LCA5L: variants seen among roughly 807,000 people sequenced by gnomAD.
The protein encoded by LCA5L is lebercilin LCA5 like, also known as lebercilin-like protein.
Under a neutral mutation model 45.4 loss-of-function variants are expected in LCA5L, and 35 were observed. The ratio of observed to expected loss-of-function variants is 0.77; its 90% confidence interval spans 0.59 to 1.02. The LOEUF (loss-of-function observed/expected upper bound fraction) is 1.02. LCA5L is among the 50% of genes least tolerant of loss of function. The probability of loss-of-function intolerance (pLI) is 0.00; values close to 1 mark genes in which losing one functional copy is unlikely to be tolerated. For synonymous variants in LCA5L, 233 were observed against 264.7 expected, an observed-to-expected ratio of 0.88 and a Z score of 1.16; for missense variants, 668 against 761.6, an observed-to-expected ratio of 0.88 and a Z score of 1.45.
At chr21:39,433,990 T>G (rs1601937759) in intron 3 of LCA5L, among the ~76,000 whole-genome samples, 2 of 143,236 alleles carry the variant, frequency 1.4e-5, no homozygotes, top group Admixed American at 7.6e-5. Context: ...CTTGGCAGGG[T>G]AGGTAAATTT....
At chr21:39,438,790 T>C (rs1178966259) in intron 2 of LCA5L, 1 of 152,224 alleles carries the variant, frequency 6.6e-6, no homozygotes, top group Non-Finnish European at 1.5e-5. Flanking sequence ...TGAATACTGA[T>C]AATGCATATT....
intron 7 of LCA5L, among the ~76,000 whole-genome samples, chr21:39,419,287 G>A (rs974822786): frequency 6.6e-6 from 1 of 152,116 alleles, no homozygotes; most frequent in African/African-American, 2.4e-5. Context: ...CACTTTGGAA[G>A]GCCAAGGCAG....
intron 2 of LCA5L, among the ~76,000 whole-genome samples, chr21:39,441,236 C>T (rs376480892): frequency 7.2e-4 from 109 of 152,182 alleles, no homozygotes; most frequent in African/African-American, 2.3e-3. Context: ...AAGTCAAGGC[C>T]GCAGTGATGC....
Position 39,410,380 on chromosome 21 carries a change from T to C in LCA5L, c.1061-13A>G. On this transcript the variant is annotated splice_polypyrimidine_tract_variant and intron_variant, in intron 8 of 10. Transcript: ENST00000288350. ...TTTGTTGAAGAAACTATGGAACAGGTAGATTATATGTAAGAAACATATTTT... is the reference window on the plus strand; with the variant it reads ...TTTGTTGAAGAAACTATGGAACAGGCAGATTATATGTAAGAAACATATTTT... 1 of 1,388,586 alleles carries C rather than the reference T, an allele frequency of 7.2e-7. No homozygotes were observed. 86.0% of individuals were successfully genotyped at this position (1,388,586 alleles called of 1,614,324 possible).
chr21:39,405,835 T>A lies in LCA5L; in HGVS notation c.*47A>T, dbSNP rs1410342632. The A allele has an allele frequency of 1.5e-6, 2 of 1,368,312 alleles. No individual in the cohort carries two copies. Among genetic ancestry groups the A allele is most frequent in the Non-Finnish European group, 2.0e-6 (2 of 1,018,576 alleles). 84.8% of individuals were successfully genotyped at this position (1,368,312 alleles called of 1,614,324 possible). On this transcript the variant is annotated 3_prime_UTR_variant, in exon 11 of 11. Transcript: ENST00000288350. Reference sequence around the variant, plus strand: ...TTTCAAAAATAAGATGCAAGGCACATAAGCAGCATTATATCAAACCAGAAT... The same window carrying A: ...TTTCAAAAATAAGATGCAAGGCACAAAAGCAGCATTATATCAAACCAGAAT...
intron 5 of LCA5L, chr21:39,426,075 ATTC>A (rs2074647856): frequency 6.6e-6 from 1 of 152,188 alleles, no homozygotes; most frequent in Non-Finnish European, 1.5e-5. Context: ...CTCCCCCAGT[ATTC>A]TTCTTTGTGT....
intron 8 of LCA5L, chr21:39,410,699 G>A: frequency 2.6e-6 from 1 of 387,524 alleles, no homozygotes; most frequent in Non-Finnish European, 5.1e-6. Flanking sequence ...GAGCTATCCT[G>A]TGGCGGAGCT....
rs1339227174 is a variant in LCA5L at position 39,445,755 on chromosome 21, A to G, written c.-343T>C. ...CCGCGCTGTTCCCACGACTGCGCCA[A>G]CGCCGCAGCGCCGGCGCGTCCCCAT... is the stretch of plus-strand genomic sequence containing the variant. On this transcript the variant is annotated 5_prime_UTR_variant, in exon 1 of 11. Coordinates refer to ENST00000288350, the MANE Select transcript of LCA5L (RefSeq NM_152505.4). 6.6e-6 allele frequency: 1 copy of G among 152,034 alleles called. No homozygotes were observed. The highest frequency in any genetic ancestry group is 2.4e-5 in the African/African-American group (1 of 41,424). 9.4% of individuals were successfully genotyped at this position (152,034 alleles called of 1,614,324 possible).
chr21:39,407,472 AC>A (rs2039277193), intron 10 of LCA5L, among the ~76,000 whole-genome samples: 7 of 152,230 alleles, frequency 4.6e-5, no homozygotes, highest in Admixed American at 3.3e-4. Context: ...GAACGAACCT[AC>A]AAAAAATAGA....
intron 2 of LCA5L, among the ~76,000 whole-genome samples, chr21:39,439,191 G>C (rs1320221707): frequency 1.3e-5 from 2 of 152,150 alleles, no homozygotes; most frequent in African/African-American, 4.8e-5. Context: ...AAGACACGAC[G>C]CTGCTGGCTT....
chr21:39,406,012 C>G lies in LCA5L; in HGVS notation c.1883G>C (p.Ser628Thr), dbSNP rs1487152595. Residue 628 changes from serine to threonine, a missense_variant, in exon 11 of 11, where the codon AGT (serine) becomes ACT (threonine). Transcript: ENST00000288350. ...GGGAGGCAGGGGATGCGACTCCTTACTTTGCAAAGGCTCCTCTGAGCCTTT... is the reference window on the plus strand; with the variant it reads ...GGGAGGCAGGGGATGCGACTCCTTAGTTTGCAAAGGCTCCTCTGAGCCTTT... ...VAKGSEEPLQ[S>T]KESHPLPPSQ... 4 of 1,614,120 alleles carry G rather than the reference C, an allele frequency of 2.5e-6. No homozygotes were observed. Among genetic ancestry groups the G allele is most frequent in the Non-Finnish European group, 3.4e-6 (4 of 1,180,054 alleles).
chr21:39,423,130 A>C lies in LCA5L; in HGVS notation c.683T>G (p.Leu228Arg). ...QEKERTLSRK[L>R]RETDSQLLKT... The stretch of plus-strand genomic sequence containing the variant: ...CAGTAACTGGCTGTCAGTTTCTCTA[A>C]GTTTCCTAGATAGAGTTCTTTCCTT... Residue 228 changes from leucine to arginine, a missense_variant, in exon 6 of 11, where the codon CTT becomes CGT. Transcript: ENST00000288350. 6.2e-7 allele frequency: 1 copy of C among 1,613,884 alleles called. No individual in the cohort carries two copies. Among genetic ancestry groups the C allele is most frequent in the Non-Finnish European group, 8.5e-7 (1 of 1,179,968 alleles).
chr21:39,428,519 T>A lies in LCA5L; in HGVS notation c.-10-16A>T. The A allele has an allele frequency of 7.4e-7, 1 of 1,345,050 alleles. No homozygotes were observed. Among genetic ancestry groups the A allele is most frequent in the Non-Finnish European group, 9.9e-7 (1 of 1,014,126 alleles). 83.3% of individuals were successfully genotyped at this position (1,345,050 alleles called of 1,614,324 possible). ...AGCAAACAACCTAATAAAAGAAAAG[T>A]AAAACCTAATAAAAGTATTTTTGAA... is the stretch of plus-strand genomic sequence containing the variant. On this transcript the variant is annotated splice_polypyrimidine_tract_variant and intron_variant, in intron 4 of 10. Transcript: ENST00000288350.
chr21:39,420,831 G>T lies in LCA5L; in HGVS notation c.850C>A (p.Gln284Lys). ...NDKKIQSLEK[Q>K]LRLNCRAFSR... ...AAGGCTCTGCAGTTCAACCTCAGTTGTTTTTCCAAGCTCTGAAAACAGTAT... is the reference window on the plus strand; with the variant it reads ...AAGGCTCTGCAGTTCAACCTCAGTTTTTTTTCCAAGCTCTGAAAACAGTAT... Residue 284 changes from glutamine (Q) to lysine (K), a missense_variant, in exon 7 of 11, where the codon CAA (glutamine) becomes AAA (lysine). Transcript: ENST00000288350. 1 of 1,612,646 alleles carries T rather than the reference G, an allele frequency of 6.2e-7. No individual in the cohort carries two copies. The highest frequency in any genetic ancestry group is 8.5e-7 in the Non-Finnish European group (1 of 1,178,926).
In LCA5L at chr21:39,423,141, T is replaced by C; in HGVS notation, c.672A>G (p.Leu224=). Reference sequence around the variant, plus strand: ...TGTCAGTTTCTCTAAGTTTCCTAGATAGAGTTCTTTCCTTTTCCTGGGATT... The same window carrying C: ...TGTCAGTTTCTCTAAGTTTCCTAGACAGAGTTCTTTCCTTTTCCTGGGATT... ...LRKSQEKERT[L]SRKLRETDSQ... The change falls in exon 6 of 11, where the codon CTA becomes CTG. Residue 224 remains leucine, a synonymous_variant. Transcript: ENST00000288350. The C allele has an allele frequency of 1.9e-6, 3 of 1,613,868 alleles. No homozygotes were observed. The highest frequency in any genetic ancestry group is 4.5e-5 in the East Asian group (2 of 44,872).
At chr21:39,420,585 G>A (rs1490868541) in intron 7 of LCA5L, 121 bp downstream of exon 7, 1 of 696,016 alleles carries the variant, frequency 1.4e-6, no homozygotes, top group Non-Finnish European at 2.2e-6. Flanking sequence ...CCTACAAAGG[G>A]TAGAGGAGCC....
chr21:39,412,526 G>A (rs2040271077), intron 7 of LCA5L, among the ~76,000 whole-genome samples: 1 of 152,106 alleles, frequency 6.6e-6, no homozygotes, highest in Admixed American at 6.6e-5. Context: ...AACAACCATG[G>A]TTAAGAGAGG....
At chr21:39,413,174 G>A (rs2040412520) in intron 7 of LCA5L, among the ~76,000 whole-genome samples, 1 of 152,202 alleles carries the variant, frequency 6.6e-6, no homozygotes, top group African/African-American at 2.4e-5. Context: ...TCACTCGTCA[G>A]GAGAACCAGC....
intron 7 of LCA5L, among the ~76,000 whole-genome samples, chr21:39,419,857 C>A (rs1301148137): frequency 6.6e-6 from 1 of 151,976 alleles, no homozygotes; most frequent in Non-Finnish European, 1.5e-5. Context: ...ATCTTGAAGG[C>A]AGAAAGATAG....
Sources: gnomAD v4.1 joint callset for allele counts (sites outside exome capture counted in the v4.1 genomes callset) on GRCh38, gnomAD v4.1.1 for gene constraint, MANE v1.5 for transcripts, NCBI Gene and HGNC (gene_info 2026-07-23, HGNC 2026-07-21) for gene names.